JPT2: variants seen among roughly 807,000 people sequenced by gnomAD.
JPT2 encodes Jupiter microtubule associated homolog 2.
Under a neutral mutation model 15.9 loss-of-function variants are expected in JPT2, and 9 were observed. The observed-to-expected ratio is 0.57, with a 90% confidence interval of 0.34 to 0.99. The LOEUF (loss-of-function observed/expected upper bound fraction) is 0.99, where lower values mean the gene tolerates loss of function less well. JPT2 is among the 50% of genes least tolerant of loss of function. The pLI, the probability that JPT2 is intolerant of heterozygous loss-of-function variation, is 0.02. For missense variants in JPT2, 267 were observed against 252.1 expected, an observed-to-expected ratio of 1.06 and a Z score of -0.40; for synonymous variants, 95 against 91.7, an observed-to-expected ratio of 1.04 and a Z score of -0.21.
intron 2 of JPT2, among the ~76,000 whole-genome samples, chr16:1,687,623 C>G (rs982029746): frequency 6.6e-5 from 10 of 152,278 alleles, no homozygotes; most frequent in African/African-American, 2.2e-4. Flanking sequence ...GTGGGGAGCC[C>G]GGCCCCTTGC....
At chr16:1,692,036 T>C (rs2037107221) in intron 3 of JPT2, 51 bp downstream of exon 3, 7 of 1,602,030 alleles carry the variant, frequency 4.4e-6, no homozygotes, top group Non-Finnish European at 6.0e-6. Context: ...TGCCAGGTGC[T>C]CTTTCCAAAA....
At chr16:1,678,495 GC>G in intron 1 of JPT2, 139 bp downstream of exon 1, 1 of 874,870 alleles carries the variant, frequency 1.1e-6, no homozygotes, top group Non-Finnish European at 1.5e-6. Context: ...CCTCGGGGCC[GC>G]CGCCCGCCTT....
chr16:1,695,737 G>C (rs189806273), intron 3 of JPT2, among the ~76,000 whole-genome samples: 2 of 151,996 alleles, frequency 1.3e-5, no homozygotes, highest in African/African-American at 2.4e-5. Flanking sequence ...CGGGCATGGT[G>C]GTGCACACCT....
rs2142231004 is a variant in JPT2 at position 1,697,729 on chromosome 16, T to C, written c.337-83T>C. On this transcript the variant is annotated intron_variant, in intron 3 of 4. Transcript: ENST00000248098. ...AGCATTTTTGTAAATTAAAAGGTTATATGGTCCTGATTTTCATTGTCCATT... is the reference window on the plus strand; with the variant it reads ...AGCATTTTTGTAAATTAAAAGGTTACATGGTCCTGATTTTCATTGTCCATT... The C allele has an allele frequency of 5.3e-6, 7 of 1,312,280 alleles. No individual in the cohort carries two copies. In the South Asian group the frequency reaches 6.1e-5, roughly 11 times the overall value. The allele number at this position is 1,312,280 out of a possible 1,614,324, so 81.3% of individuals were successfully genotyped here.
intron 3 of JPT2, 35 bp from the exon 4 acceptor site, chr16:1,697,775 TGA>T: frequency 6.2e-7 from 1 of 1,604,520 alleles, no homozygotes; most frequent in Non-Finnish European, 8.5e-7. Flanking sequence ...TAAAATTTTC[TGA>T]GTGAGTCCTG....
intron 2 of JPT2, chr16:1,686,226 A>T (rs1430519468): frequency 6.6e-6 from 1 of 152,242 alleles, no homozygotes; most frequent in East Asian, 1.9e-4. Flanking sequence ...AAAAAAAATT[A>T]GCCGGGCGTG....
intron 1 of JPT2, among the ~76,000 whole-genome samples, chr16:1,679,353 T>C (rs768843459): frequency 3.3e-5 from 5 of 152,206 alleles, no homozygotes; most frequent in African/African-American, 2.4e-5. Context: ...AAATACTATA[T>C]TGAATAAATA....
intron 2 of JPT2, among the ~76,000 whole-genome samples, chr16:1,687,383 G>T (rs140836138): frequency 3.9e-5 from 6 of 152,254 alleles, no homozygotes; most frequent in African/African-American, 1.4e-4. Context: ...TAACATTCTC[G>T]TTGTTTCCGG....
chr16:1,700,361 C>G lies in JPT2; in HGVS notation c.*1363C>G, dbSNP rs1228643406. On this transcript the variant is annotated 3_prime_UTR_variant, in exon 5 of 5. Transcript: ENST00000248098. Reference sequence around the variant, plus strand: ...CTGCAGGCCCAGTTCTCATGCTGCCCTTGGGTGGGCATCTGTTAACAGAGG... The same window carrying G: ...CTGCAGGCCCAGTTCTCATGCTGCCGTTGGGTGGGCATCTGTTAACAGAGG... 2 of 308,078 alleles carry G rather than the reference C, an allele frequency of 6.5e-6. No individual in the cohort carries two copies. The highest frequency in any genetic ancestry group is 1.3e-5 in the Non-Finnish European group (2 of 148,286). The allele number at this position is 308,078 out of a possible 1,614,324, so 19.1% of individuals were successfully genotyped here.
intron 2 of JPT2, among the ~76,000 whole-genome samples, chr16:1,691,147 G>A (rs554656222): frequency 3.3e-5 from 5 of 152,346 alleles, no homozygotes; most frequent in South Asian, 2.1e-4. Context: ...GAGATGATCA[G>A]TTGGTCCCAC....
Position 1,701,737 on chromosome 16 carries a change from A to C in JPT2, c.*2739A>C, listed in dbSNP as rs2068980785. The C allele has an allele frequency of 6.1e-6, 1 of 164,274 alleles. No homozygotes were observed. The highest frequency in any genetic ancestry group is 2.4e-5 in the African/African-American group (1 of 41,910). The allele number at this position is 164,274 out of a possible 1,614,324, so 10.2% of individuals were successfully genotyped here. On this transcript the variant is annotated 3_prime_UTR_variant, in exon 5 of 5. Coordinates refer to ENST00000248098, the MANE Select transcript of JPT2 (RefSeq NM_144570.3). Reference sequence around the variant, plus strand: ...AGAAGCAGAGAGCTTGTCATATGCAAGTCCTGTCAAGAAAACAGGTGGGCA... The same window carrying C: ...AGAAGCAGAGAGCTTGTCATATGCACGTCCTGTCAAGAAAACAGGTGGGCA...
chr16:1,699,497 T>C lies in JPT2; in HGVS notation c.*499T>C. On this transcript the variant is annotated 3_prime_UTR_variant, in exon 5 of 5. Coordinates refer to ENST00000248098, the MANE Select transcript of JPT2 (RefSeq NM_144570.3). ...CCCACTTCATTTTACCCCCAGCATA[T>C]TGTTCTGTAGTCTTTTCTTGAAACA... is the stretch of plus-strand genomic sequence containing the variant. 1 of 346,834 alleles carries C rather than the reference T, an allele frequency of 2.9e-6. No individual in the cohort carries two copies. The highest frequency in any genetic ancestry group is 5.7e-6 in the Non-Finnish European group (1 of 173,998). 21.5% of individuals were successfully genotyped at this position (346,834 alleles called of 1,614,324 possible). A position where few individuals can be genotyped will look rare whatever the true frequency, so the allele number is the denominator to read the frequency against.
intron 3 of JPT2, 34 bp from the exon 4 acceptor site, chr16:1,697,774 CTGAG>C: frequency 6.2e-7 from 1 of 1,602,782 alleles, no homozygotes; most frequent in Non-Finnish European, 8.5e-7. Context: ...GTAAAATTTT[CTGAG>C]TGAGTCCTGA....
chr16:1,694,336 TATTA>T (rs753471095), intron 3 of JPT2, among the ~76,000 whole-genome samples: 1 of 152,202 alleles, frequency 6.6e-6, no homozygotes, highest in Non-Finnish European at 1.5e-5. Flanking sequence ...CCAAGCCACA[TATTA>T]ATTAACACCA....
intron 2 of JPT2, among the ~76,000 whole-genome samples, chr16:1,687,029 C>T (rs1435116256): frequency 6.6e-6 from 1 of 152,242 alleles, no homozygotes; most frequent in African/African-American, 2.4e-5. Context: ...GTCGCCCAGG[C>T]TGGAGTGCAG....
rs750222896 is a variant in JPT2 at position 1,700,084 on chromosome 16, A to G, written c.*1086A>G. Reference sequence around the variant, plus strand: ...CTGACACCTTTCCAGAAAAAAGTCAATTGTTCAGGTACACCAAAGAGGAAG... The same window carrying G: ...CTGACACCTTTCCAGAAAAAAGTCAGTTGTTCAGGTACACCAAAGAGGAAG... On this transcript the variant is annotated 3_prime_UTR_variant, in exon 5 of 5. Coordinates refer to ENST00000248098, the MANE Select transcript of JPT2 (RefSeq NM_144570.3). 5.6e-5 allele frequency: 25 copies of G among 447,398 alleles called. No homozygotes were observed. Among genetic ancestry groups the G allele is most frequent in the African/African-American group, 8.0e-5 (4 of 49,794 alleles). 27.7% of individuals were successfully genotyped at this position (447,398 alleles called of 1,614,324 possible).
intron 1 of JPT2, chr16:1,680,413 G>C: frequency 8.6e-7 from 1 of 1,164,552 alleles, no homozygotes; most frequent in Non-Finnish European, 1.1e-6. Flanking sequence ...TGGGGGACTG[G>C]TTTCTGGACA....
At chr16:1,702,530 C>T (rs940160500), downstream of JPT2, among the ~76,000 whole-genome samples, 2 of 152,222 alleles carry the variant, frequency 1.3e-5, no homozygotes, top group East Asian at 1.9e-4. Flanking sequence ...CCTCGAGCCC[C>T]GTGCCTTGTC....
chr16:1,685,749 T>C lies in JPT2; in HGVS notation c.193+162T>C, dbSNP rs1596506045. 1.4e-5 allele frequency: 11 copies of C among 760,842 alleles called. No individual in the cohort carries two copies. In the East Asian group the frequency reaches 3.1e-4, roughly 22 times the overall value. The allele number at this position is 760,842 out of a possible 1,614,324, so 47.1% of individuals were successfully genotyped here. A position where few individuals can be genotyped will look rare whatever the true frequency, so the allele number is the denominator to read the frequency against. On this transcript the variant is annotated intron_variant, in intron 2 of 4. Transcript: ENST00000248098. ...AAAACGTTCTGATTTGTACTTTCTC[T>C]CTTGAAGGTGACTTGAGTAGTCTTG...
Sources: gnomAD v4.1 joint callset for allele counts (sites outside exome capture counted in the v4.1 genomes callset) on GRCh38, gnomAD v4.1.1 for gene constraint, MANE v1.5 for transcripts, NCBI Gene and HGNC (gene_info 2026-07-23, HGNC 2026-07-21) for gene names.